ENPP6: variants seen among roughly 807,000 people sequenced by gnomAD.
The protein encoded by ENPP6 is glycerophosphocholine cholinephosphodiesterase ENPP6.
A neutral mutation model predicts 42.0 loss-of-function variants in ENPP6; 32 were observed. The observed-to-expected ratio is 0.76, with a 90% CI of 0.58 to 1.02. The LOEUF is 1.02. ENPP6 is among the 50% of genes least tolerant of loss of function. The pLI is 0.00. For synonymous variants in ENPP6, 213 were observed against 216.0 expected (o/e 0.99, Z 0.12); for missense variants, 552 against 566.8 (o/e 0.97, Z 0.27).
rs2111362666 is a variant in ENPP6 at position 184,134,645 on chromosome 4, T to G, written c.422-10373A>C. ...TATTTCTTTATAAGCCTTGTCAAGT[T>G]TTCATCCACTTTAACAGTTTTTTTT... On this transcript the variant is annotated intron_variant, in intron 2 of 7. Transcript: ENST00000296741. Among the ~76,000 whole-genome samples the G allele has an allele frequency of 1.3e-5, 2 of 149,776 alleles. 1 individual carries two copies. Among genetic ancestry groups the G allele is most frequent in the South Asian group, 4.3e-4 (2 of 4,662 alleles).
intron 7 of ENPP6, among the ~76,000 whole-genome samples, chr4:184,093,697 C>G (rs1198665636): frequency 2.1e-5 from 3 of 140,656 alleles, no homozygotes; most frequent in Non-Finnish European, 4.7e-5. Flanking sequence ...TAAAACCTGT[C>G]CAGAGAGGAG....
At chr4:184,149,657 A>C (rs17583822) in intron 2 of ENPP6, among the ~76,000 whole-genome samples, 6 of 152,202 alleles carry the variant, frequency 3.9e-5, no homozygotes, top group Non-Finnish European at 7.4e-5. Context: ...CTGTAGGGAG[A>C]TAACATTGCA....
chr4:184,131,178 TTTCTTTCTTTCTTTCTTTCTTTC>T lies in ENPP6; in HGVS notation c.422-6929_422-6907del, dbSNP rs1393230061. ...CTTTCTTTCTTTCTTTCTTTCTTTCTTTCTTTCTTTCTTTCTTTCTTTCTTCTTTCTTTCTTTCTTTTTCTTTC... is the reference window on the plus strand; with the variant it reads ...CTTTCTTTCTTTCTTTCTTTCTTTCTTTCTTTCTTTCTTTCTTTTTCTTTC... On this transcript the variant is annotated intron_variant, in intron 2 of 7. Transcript: ENST00000296741. Among the ~76,000 whole-genome samples, 18 of 61,126 alleles carry T rather than the reference TTTCTTTCTTTCTTTCTTTCTTTC, an allele frequency of 2.9e-4. 1 individual carries two copies. Among genetic ancestry groups the T allele is most frequent in the African/African-American group, 5.2e-4 (7 of 13,526 alleles). 40.1% of individuals were successfully genotyped at this position (61,126 alleles called of 152,430 possible). A position where few individuals can be genotyped will look rare whatever the true frequency, so the allele number is the denominator to read the frequency against.
chr4:184,116,500 C>T (rs1459027521), intron 5 of ENPP6, among the ~76,000 whole-genome samples: 6 of 151,826 alleles, frequency 4.0e-5, no homozygotes, highest in South Asian at 4.2e-4. Context: ...TTTGGGAGGC[C>T]GAGGCGGGTG....
At chr4:184,124,746 G>T (rs1579621656) in intron 2 of ENPP6, among the ~76,000 whole-genome samples, 1 of 152,290 alleles carries the variant, frequency 6.6e-6, no homozygotes, top group East Asian at 1.9e-4. Flanking sequence ...TTATACAAAA[G>T]CTAACTGGAC....
intron 6 of ENPP6, among the ~76,000 whole-genome samples, chr4:184,103,946 A>G (rs970050784): frequency 6.6e-6 from 1 of 152,122 alleles, no homozygotes; most frequent in East Asian, 1.9e-4. Context: ...GGCGACGCAG[A>G]CATTCTCGGA....
intron 2 of ENPP6, among the ~76,000 whole-genome samples, chr4:184,130,411 A>G (rs1736578754): frequency 7.7e-6 from 1 of 129,770 alleles, no homozygotes; most frequent in African/African-American, 2.9e-5. Flanking sequence ...ACAAAAAATT[A>G]GCCGGGCGTG....
chr4:184,189,180 G>T (rs897943489), intron 1 of ENPP6, among the ~76,000 whole-genome samples: 1 of 152,110 alleles, frequency 6.6e-6, no homozygotes, highest in Non-Finnish European at 1.5e-5. Context: ...CCTCTCAGCC[G>T]CCTTCCTTTC....
intron 2 of ENPP6, among the ~76,000 whole-genome samples, chr4:184,153,102 G>A (rs908707721): frequency 2.0e-5 from 3 of 150,818 alleles, no homozygotes; most frequent in African/African-American, 7.3e-5. Flanking sequence ...TTTCAAAAAT[G>A]TGCCCATAAG....
Position 184,090,876 on chromosome 4 carries a change from C to A in ENPP6, c.*301G>T. 2.3e-6 allele frequency: 1 copy of A among 425,864 alleles called. No individual in the cohort carries two copies. The highest frequency in any genetic ancestry group is 4.1e-6 in the Non-Finnish European group (1 of 243,084). 26.4% of individuals were successfully genotyped at this position (425,864 alleles called of 1,614,324 possible). Reference sequence around the variant, plus strand: ...ATAACCACTCCAAGTTTGGTTGCTGCAGGAGCAGGTCCCTGCTCAGAGAGT... The same window carrying A: ...ATAACCACTCCAAGTTTGGTTGCTGAAGGAGCAGGTCCCTGCTCAGAGAGT... On this transcript the variant is annotated 3_prime_UTR_variant, in exon 8 of 8. Coordinates refer to ENST00000296741, the MANE Select transcript of ENPP6 (RefSeq NM_153343.4).
intron 1 of ENPP6, among the ~76,000 whole-genome samples, chr4:184,157,788 TTTTGTA>T (rs1737197514): frequency 6.7e-6 from 1 of 148,370 alleles, no homozygotes; most frequent in African/African-American, 2.5e-5. Flanking sequence ...TTTTTTTTTT[TTTTGTA>T]TTTTTTGTAG....
chr4:184,193,140 A>G (rs1732732505), intron 1 of ENPP6, among the ~76,000 whole-genome samples: 1 of 152,246 alleles, frequency 6.6e-6, no homozygotes. Context: ...TTACGTATCT[A>G]TTCAGGAGAA....
rs374254784 is a variant in ENPP6, at chr4:184,156,088, T to G, written c.242-2355A>C. ...AGAACATTCTCCCAGAGAATTCCTA[T>G]AAGGTGGAGCGCTTTCAAGAAGGTC... On this transcript the variant is annotated intron_variant, in intron 1 of 7. Transcript: ENST00000296741. Among the ~76,000 whole-genome samples the G allele has an allele frequency of 1.1e-4, 16 of 152,250 alleles. No individual in the cohort carries two copies. The East Asian group carries it at 2.3e-3, about 22-fold the overall frequency.
intron 2 of ENPP6, among the ~76,000 whole-genome samples, chr4:184,126,454 T>C (rs918178883): frequency 3.3e-5 from 5 of 152,234 alleles, no homozygotes; most frequent in Admixed American, 1.3e-4. Flanking sequence ...TTAATTTTAA[T>C]TTAAACAAAC....
intron 5 of ENPP6, among the ~76,000 whole-genome samples, chr4:184,116,011 C>T (rs183252048): frequency 3.3e-5 from 5 of 150,808 alleles, no homozygotes; most frequent in South Asian, 2.1e-4. Flanking sequence ...GTCAGGAGAT[C>T]GAGACCATCC....
intron 1 of ENPP6, chr4:184,217,131 T>C (rs1733210210): frequency 6.4e-6 from 1 of 157,094 alleles, no homozygotes; most frequent in African/African-American, 2.4e-5. Flanking sequence ...CACAGGTACT[T>C]TCACAGTCCA....
intron 1 of ENPP6, among the ~76,000 whole-genome samples, chr4:184,156,823 C>A (rs996155417): frequency 3.9e-5 from 6 of 152,210 alleles, no homozygotes; most frequent in Non-Finnish European, 7.3e-5. Context: ...CAAGCATGTT[C>A]GACGTAGTGA....
At chr4:184,194,168 C>A (rs189899883) in intron 1 of ENPP6, among the ~76,000 whole-genome samples, 2 of 152,298 alleles carry the variant, frequency 1.3e-5, no homozygotes, top group South Asian at 4.1e-4. Flanking sequence ...TCAGCATCTC[C>A]GGGCCTTCGC....
intron 6 of ENPP6, among the ~76,000 whole-genome samples, chr4:184,101,570 T>C (rs1220399257): frequency 1.3e-5 from 2 of 152,050 alleles, no homozygotes; most frequent in African/African-American, 2.4e-5. Flanking sequence ...AGGAACTGGG[T>C]TGTTTTGCTA....
Sources: allele counts gnomAD v4.1 joint callset (sites outside exome capture counted in the v4.1 genomes callset), GRCh38; gene constraint gnomAD v4.1.1; transcripts MANE v1.5; gene names NCBI Gene and HGNC (gene_info 2026-07-23, HGNC 2026-07-21).